Variants in SUPT3H observed in about 807,000 individuals in gnomAD.
The protein encoded by SUPT3H is transcription initiation protein SPT3 homolog.
In SUPT3H, 44 loss-of-function variants were observed where a neutral mutation model predicts 44.3. The ratio of observed to expected loss-of-function variants is 0.99; its 90% CI spans 0.78 to 1.28. SUPT3H has a LOEUF of 1.28. Among genes scored for constraint, SUPT3H ranks in the 50% most tolerant of loss-of-function variants. SUPT3H has a pLI of 0.00. For synonymous variants in SUPT3H, 124 were observed against 125.6 expected, an observed-to-expected ratio of 0.99 and a Z score of 0.09; for missense variants, 380 against 387.1, an observed-to-expected ratio of 0.98 and a Z score of 0.15.
chr6:45,130,345 T>C (rs1803238242), intron 2 of SUPT3H, among the ~76,000 whole-genome samples: 1 of 152,220 alleles, frequency 6.6e-6, no homozygotes, highest in African/African-American at 2.4e-5. Flanking sequence ...TGTAACATGT[T>C]ATCACTACAT....
At chr6:45,264,833 G>A (rs1247901373) in intron 2 of SUPT3H, among the ~76,000 whole-genome samples, 1 of 151,980 alleles carries the variant, frequency 6.6e-6, no homozygotes, top group African/African-American at 2.4e-5. Flanking sequence ...GACAAATGAA[G>A]ACAAGTAGGG....
Position 45,099,527 on chromosome 6 carries a change from G to T in SUPT3H, c.186+6395C>A, listed in dbSNP as rs181098781. On this transcript the variant is annotated intron_variant, in intron 3 of 10. Coordinates refer to ENST00000371459, the MANE Select transcript of SUPT3H (RefSeq NM_003599.4). ...TAGAGACATGAATATAGAAATACAT[G>T]AAGAATTCCAGCCCAGAATAATTAT... is the stretch of plus-strand genomic sequence containing the variant. Among the ~76,000 whole-genome samples, 325 of 152,156 alleles carry T rather than the reference G, an allele frequency of 2.1e-3. 1 individual carries two copies. Among genetic ancestry groups the T allele is most frequent in the African/African-American group, 7.5e-3 (311 of 41,522 alleles).
chr6:45,274,639 G>C (rs1177619635), intron 2 of SUPT3H, among the ~76,000 whole-genome samples: 1 of 152,214 alleles, frequency 6.6e-6, no homozygotes, highest in Non-Finnish European at 1.5e-5. Flanking sequence ...GCAGCACTCT[G>C]GGAGGCTGAG....
intron 2 of SUPT3H, among the ~76,000 whole-genome samples, chr6:45,291,171 C>T (rs868283186): frequency 5.3e-5 from 8 of 152,270 alleles, no homozygotes; most frequent in Middle Eastern, 3.4e-3. Context: ...GGTAGACTTG[C>T]TGGGTGGCTA....
rs141023711 is a variant in SUPT3H at position 44,987,573 on chromosome 6, T to C, written c.504+16080A>G. ...ACAAGAGTAATTTCTTGTAGAGTGC[T>C]GAGGATGAAAGCATGATTCAAGTGG... On this transcript the variant is annotated intron_variant, in intron 6 of 10. Coordinates refer to ENST00000371459, the MANE Select transcript of SUPT3H (RefSeq NM_003599.4). Among the ~76,000 whole-genome samples the C allele has an allele frequency of 4.1e-3, 618 of 152,176 alleles. 5 individuals carry two copies. The highest frequency in any genetic ancestry group is 0.014 in the African/African-American group (580 of 41,528).
At chr6:45,273,173 A>G (rs1019018970) in intron 2 of SUPT3H, among the ~76,000 whole-genome samples, 18 of 152,188 alleles carry the variant, frequency 1.2e-4, no homozygotes, top group African/African-American at 4.1e-4. Context: ...ACCAATTGAG[A>G]TATCTATGGT....
intron 6 of SUPT3H, among the ~76,000 whole-genome samples, chr6:44,992,058 A>G (rs1198793111): frequency 6.6e-6 from 1 of 152,160 alleles, no homozygotes; most frequent in Non-Finnish European, 1.5e-5. Context: ...AACAACCACA[A>G]TTTGAGAACT....
intron 6 of SUPT3H, among the ~76,000 whole-genome samples, chr6:44,982,329 T>C (rs1779210011): frequency 6.6e-6 from 1 of 152,116 alleles, no homozygotes; most frequent in Non-Finnish European, 1.5e-5. Context: ...GTTCACACCA[T>C]TTTCCTGCCT....
chr6:45,342,253 T>C (rs981703826), intron 2 of SUPT3H, among the ~76,000 whole-genome samples: 2 of 152,052 alleles, frequency 1.3e-5, no homozygotes, highest in African/African-American at 2.4e-5. Flanking sequence ...TACTAAGTTA[T>C]ATATAACACA....
chr6:45,064,309 G>T (rs1792814470), intron 3 of SUPT3H, among the ~76,000 whole-genome samples: 1 of 147,346 alleles, frequency 6.8e-6, no homozygotes, highest in Non-Finnish European at 1.5e-5. Context: ...CCTGAAGGAA[G>T]CGCTAAACAT....
At chr6:45,049,936 C>T (rs186822842) in intron 3 of SUPT3H, among the ~76,000 whole-genome samples, 2 of 152,182 alleles carry the variant, frequency 1.3e-5, no homozygotes, top group Non-Finnish European at 2.9e-5. Context: ...AGAATAACCA[C>T]AATAAGACTA....
At chr6:45,066,193 G>A (rs1222424918) in intron 3 of SUPT3H, among the ~76,000 whole-genome samples, 1 of 150,868 alleles carries the variant, frequency 6.6e-6, no homozygotes, top group African/African-American at 2.4e-5. Flanking sequence ...CATATAAACA[G>A]AGCCAAAGAC....
chr6:45,144,531 A>G (rs1384804797), intron 2 of SUPT3H, among the ~76,000 whole-genome samples: 2 of 152,194 alleles, frequency 1.3e-5, no homozygotes, highest in East Asian at 3.8e-4. Flanking sequence ...ATCTATGACA[A>G]ATGTACAGCC....
intron 5 of SUPT3H, among the ~76,000 whole-genome samples, chr6:45,009,305 T>C (rs180882548): frequency 6.6e-6 from 1 of 152,332 alleles, no homozygotes; most frequent in African/African-American, 2.4e-5. Context: ...TGTTTTGACT[T>C]TGAAATAATT....
At chr6:45,302,883 C>A (rs1045311106) in intron 2 of SUPT3H, among the ~76,000 whole-genome samples, 20 of 151,920 alleles carry the variant, frequency 1.3e-4, no homozygotes, top group African/African-American at 4.4e-4. Context: ...TGGCCATTCT[C>A]GCAGGAGTAT....
At chr6:45,295,169 G>A (rs983605966) in intron 2 of SUPT3H, among the ~76,000 whole-genome samples, 1 of 152,044 alleles carries the variant, frequency 6.6e-6, no homozygotes, top group African/African-American at 2.4e-5. Flanking sequence ...CAATGGAATA[G>A]AGAACCCAGA....
At chr6:45,139,275 T>C (rs764612245) in intron 2 of SUPT3H, among the ~76,000 whole-genome samples, 3 of 152,238 alleles carry the variant, frequency 2.0e-5, no homozygotes, top group South Asian at 4.1e-4. Context: ...ACAACCTCTA[T>C]TATATTTTAC....
chr6:45,352,909 T>A (rs1185382212), intron 2 of SUPT3H, among the ~76,000 whole-genome samples: 1 of 152,102 alleles, frequency 6.6e-6, no homozygotes, highest in Admixed American at 6.5e-5. Flanking sequence ...ATGACTACCA[T>A]TCAAAATTAA....
At chr6:45,049,523 A>G (rs1351015260) in intron 3 of SUPT3H, among the ~76,000 whole-genome samples, 1 of 152,178 alleles carries the variant, frequency 6.6e-6, no homozygotes, top group Non-Finnish European at 1.5e-5. Flanking sequence ...AAGTTCTTGT[A>G]TCAAATGAAA....
Sources: allele counts gnomAD v4.1 joint callset (sites outside exome capture counted in the v4.1 genomes callset), GRCh38; gene constraint gnomAD v4.1.1; transcripts MANE v1.5; gene names NCBI Gene and HGNC (gene_info 2026-07-23, HGNC 2026-07-21).